Variants in LRRC52 observed in about 807,000 individuals in gnomAD.
LRRC52 encodes the protein leucine-rich repeat-containing protein 52.
Under a neutral mutation model 14.7 loss-of-function variants are expected in LRRC52, and 15 were observed. The ratio of observed to expected loss-of-function variants is 1.02; its 90% confidence interval spans 0.68 to 1.58. The LOEUF is 1.58. LRRC52 is among the 40% of genes most tolerant of loss of function. LRRC52 has a pLI of 0.00. For synonymous variants in LRRC52, 180 were observed against 163.9 expected (o/e 1.10, Z -0.75); for missense variants, 400 against 387.7 (o/e 1.03, Z -0.27).
intron 1 of LRRC52, among the ~76,000 whole-genome samples, chr1:165,555,909 A>C (rs1661224251): frequency 6.6e-6 from 1 of 152,248 alleles, no homozygotes; most frequent in African/African-American, 2.4e-5. Flanking sequence ...GTTATTAAGC[A>C]GGCTCAGCTC....
chr1:165,551,620 T>G (rs1661134130), intron 1 of LRRC52, among the ~76,000 whole-genome samples: 1 of 152,056 alleles, frequency 6.6e-6, no homozygotes, highest in African/African-American at 2.4e-5. Flanking sequence ...AGCCTGATGG[T>G]GGGGCCCACA....
At chr1:165,549,788 A>C (rs369050296) in intron 1 of LRRC52, among the ~76,000 whole-genome samples, 2 of 152,206 alleles carry the variant, frequency 1.3e-5, no homozygotes, top group South Asian at 2.1e-4. Context: ...CCAGTGTTTC[A>C]TTCATTTTAT....
intron 1 of LRRC52, among the ~76,000 whole-genome samples, chr1:165,545,287 G>A (rs1660997044): frequency 6.6e-6 from 1 of 152,174 alleles, no homozygotes; most frequent in East Asian, 1.9e-4. Context: ...TAATTGCAAA[G>A]TGACAAGGTA....
Position 165,544,363 on chromosome 1 carries a change from G to C in LRRC52, c.67G>C (p.Gly23Arg), listed in dbSNP as rs889342994. Reference sequence around the variant, plus strand: ...TTCCTTTGGAATGGGGCTGGTATCAGGGTCAAAGTGTCCAAATAATTGTCT... The same window carrying C: ...TTCCTTTGGAATGGGGCTGGTATCACGGTCAAAGTGTCCAAATAATTGTCT... ...LFSFGMGLVS[G>R]SKCPNNCLCQ... is the part of the protein sequence containing the mutation. Residue 23 changes from glycine to arginine, a missense_variant, in exon 1 of 2, where the codon GGG (glycine) becomes CGG (arginine). Coordinates refer to ENST00000294818, the MANE Select transcript of LRRC52 (RefSeq NM_001005214.4). The C allele has an allele frequency of 1.2e-6, 2 of 1,613,978 alleles. No homozygotes were observed. Among genetic ancestry groups the C allele is most frequent in the Non-Finnish European group, 1.7e-6 (2 of 1,180,026 alleles).
rs59005102 is a variant in LRRC52, at chr1:165,559,126, C to A, written c.623-4379C>A. Among the ~76,000 whole-genome samples, 3 of 152,176 alleles carry A rather than the reference C, an allele frequency of 2.0e-5. No individual in the cohort carries two copies. The East Asian group carries it at 5.8e-4, about 29-fold the overall frequency. On this transcript the variant is annotated intron_variant, in intron 1 of 1. Transcript: ENST00000294818. ...AGTGAAGGCCAGGTGTGGTGGCTCA[C>A]GCCTGTAATCCCAGCACTTTGGGAG...
At chr1:165,549,073 G>A (rs749278800) in intron 1 of LRRC52, among the ~76,000 whole-genome samples, 1 of 152,214 alleles carries the variant, frequency 6.6e-6, no homozygotes, top group Non-Finnish European at 1.5e-5. Flanking sequence ...ATCCTGGAGG[G>A]ACAGGACAAG....
intron 1 of LRRC52, 58 bp downstream of exon 1, chr1:165,544,976 T>G (rs1173282923): frequency 3.2e-6 from 5 of 1,586,428 alleles, no homozygotes; most frequent in Non-Finnish European, 3.4e-6. Flanking sequence ...CCAGAAAAGG[T>G]GAACTCAAAA....
chr1:165,550,728 T>C (rs1183266639), intron 1 of LRRC52, among the ~76,000 whole-genome samples: 1 of 152,238 alleles, frequency 6.6e-6, no homozygotes, highest in Non-Finnish European at 1.5e-5. Flanking sequence ...CATTGCATTA[T>C]AATGCTGGGG....
At chr1:165,552,589 T>C (rs978170180) in intron 1 of LRRC52, among the ~76,000 whole-genome samples, 5 of 151,884 alleles carry the variant, frequency 3.3e-5, no homozygotes, top group Admixed American at 6.6e-5. Context: ...GGAGGAGAGG[T>C]GTAGACATTT....
chr1:165,551,198 C>T (rs1455119528), intron 1 of LRRC52, among the ~76,000 whole-genome samples: 1 of 151,152 alleles, frequency 6.6e-6, no homozygotes, highest in African/African-American at 2.4e-5. Context: ...AACAATGCCT[C>T]CACCCCAAGA....
chr1:165,558,770 C>T (rs920777301), intron 1 of LRRC52, among the ~76,000 whole-genome samples: 3 of 151,252 alleles, frequency 2.0e-5, no homozygotes, highest in South Asian at 2.1e-4. Context: ...TCAGTAATTA[C>T]ATTTAATGTC....
intron 1 of LRRC52, among the ~76,000 whole-genome samples, chr1:165,550,757 A>C (rs933489083): frequency 7.9e-5 from 12 of 152,214 alleles, no homozygotes; most frequent in African/African-American, 2.9e-4. Flanking sequence ...TCACCGAGAA[A>C]AAAAGTCATA....
At chr1:165,558,341 A>G (rs975342776) in intron 1 of LRRC52, among the ~76,000 whole-genome samples, 1 of 152,240 alleles carries the variant, frequency 6.6e-6, no homozygotes, top group African/African-American at 2.4e-5. Flanking sequence ...TATAAAATTA[A>G]TGGAAGCTCC....
chr1:165,551,549 C>A (rs1037886930), intron 1 of LRRC52, among the ~76,000 whole-genome samples: 20 of 152,096 alleles, frequency 1.3e-4, no homozygotes, highest in Admixed American at 2.0e-4. Context: ...TAGAGTGGGG[C>A]GGTTTGAGGA....
intron 1 of LRRC52, among the ~76,000 whole-genome samples, chr1:165,549,326 T>C (rs1661084800): frequency 6.6e-6 from 1 of 152,132 alleles, no homozygotes; most frequent in Non-Finnish European, 1.5e-5. Flanking sequence ...GACTACATTC[T>C]AGGGATGTGT....
Position 165,549,004 on chromosome 1 carries a change from G to A in LRRC52, c.622+4086G>A, listed in dbSNP as rs185284635. 9.3e-4 allele frequency among the ~76,000 whole-genome samples: 142 copies of A among 152,348 alleles called. 1 individual carries two copies. The highest frequency in any genetic ancestry group is 1.5e-4 in the Non-Finnish European group (10 of 68,038). ...ATGCAGGCGGGAATATAGATAGAATGTGGGAAGGTGGGTAGCTGCTTCTAA... is the reference window on the plus strand; with the variant it reads ...ATGCAGGCGGGAATATAGATAGAATATGGGAAGGTGGGTAGCTGCTTCTAA... On this transcript the variant is annotated intron_variant, in intron 1 of 1. Transcript: ENST00000294818.
intron 1 of LRRC52, among the ~76,000 whole-genome samples, chr1:165,554,273 A>G (rs1432014466): frequency 6.6e-6 from 1 of 152,134 alleles, no homozygotes; most frequent in East Asian, 1.9e-4. Flanking sequence ...GAGGACGGGT[A>G]AAGCAATGTG....
Position 165,544,206 on chromosome 1 carries a change from C to CCGCCCCCCCCCCG in LRRC52, c.-90_-89insGCCCCCCCCCCGC. 1 of 1,031,634 alleles carries CCGCCCCCCCCCCG rather than the reference C, an allele frequency of 9.7e-7. No individual in the cohort carries two copies. Among genetic ancestry groups the CCGCCCCCCCCCCG allele is most frequent in the Non-Finnish European group, 1.4e-6 (1 of 732,998 alleles). The allele number at this position is 1,031,634 out of a possible 1,614,324, so 63.9% of individuals were successfully genotyped here. On this transcript the variant is annotated 5_prime_UTR_variant, in exon 1 of 2. Transcript: ENST00000294818. Reference sequence around the variant, plus strand: ...AAGTGTTACAGTTCTTTCCAGAGCCCCTCCCCCGCCCCACCCCCCCACCGG... The same window carrying CCGCCCCCCCCCCG: ...AAGTGTTACAGTTCTTTCCAGAGCCCCGCCCCCCCCCCGCTCCCCCGCCCCACCCCCCCACCGG...
At chr1:165,548,430 T>C (rs975025277) in intron 1 of LRRC52, among the ~76,000 whole-genome samples, 2 of 152,194 alleles carry the variant, frequency 1.3e-5, no homozygotes, top group Non-Finnish European at 1.5e-5. Context: ...CTCTAGGTCA[T>C]CTGTGCCATA....
Sources: allele counts gnomAD v4.1 joint callset (sites outside exome capture counted in the v4.1 genomes callset), GRCh38; gene constraint gnomAD v4.1.1; transcripts MANE v1.5; gene names NCBI Gene and HGNC (gene_info 2026-07-23, HGNC 2026-07-21).